The following ZNF644 variants were observed in gnomAD, a reference collection of about 807,000 sequenced individuals.
ZNF644 encodes zinc finger protein 644, also known as zinc finger motif enhancer binding protein 2.
In ZNF644, 20 loss-of-function variants were observed where a neutral mutation model predicts 108.0. The observed-to-expected ratio is 0.19, with a 90% CI of 0.13 to 0.27. The LOEUF (loss-of-function observed/expected upper bound fraction) is 0.27. Ranked by LOEUF, ZNF644 falls within the 10% of genes least tolerant of loss-of-function variation. The probability of loss-of-function intolerance (pLI) is 1.00; values close to 1 mark genes in which losing one functional copy is unlikely to be tolerated. For synonymous variants in ZNF644, 542 were observed against 539.1 expected (o/e 1.01, Z -0.08); for missense variants, 1,338 against 1,548.9 (o/e 0.86, Z 2.29).
At chr1:90,926,591 A>C (rs1022299993) in intron 4 of ZNF644, among the ~76,000 whole-genome samples, 2 of 152,174 alleles carry the variant, frequency 1.3e-5, no homozygotes, top group Admixed American at 1.3e-4. Context: ...TTGCTAGTAA[A>C]TGACAGAGAA....
chr1:90,974,965 A>G (rs1655852051), intron 2 of ZNF644, among the ~76,000 whole-genome samples: 1 of 152,040 alleles, frequency 6.6e-6, no homozygotes, highest in African/African-American at 2.4e-5. Flanking sequence ...AGTTCCAGCA[A>G]TCTTCCCTTT....
chr1:90,923,909 CAGAG>C (rs1649739020), intron 4 of ZNF644, among the ~76,000 whole-genome samples: 1 of 152,008 alleles, frequency 6.6e-6, no homozygotes. Context: ...CCTTATAGTT[CAGAG>C]AAAGAGTTAA....
chr1:90,967,987 G>C (rs1655097654), intron 2 of ZNF644, among the ~76,000 whole-genome samples: 1 of 150,454 alleles, frequency 6.6e-6, no homozygotes. Context: ...CTTGAATCTG[G>C]GAGGCGGAGG....
intron 2 of ZNF644, among the ~76,000 whole-genome samples, chr1:90,944,054 G>A (rs1006170346): frequency 1.3e-5 from 2 of 152,170 alleles, no homozygotes; most frequent in Non-Finnish European, 2.9e-5. Flanking sequence ...TTTCTCAACA[G>A]GAAGCAATGT....
At chr1:90,952,264 C>T (rs1383223284) in intron 2 of ZNF644, among the ~76,000 whole-genome samples, 3 of 152,108 alleles carry the variant, frequency 2.0e-5, no homozygotes, top group African/African-American at 4.8e-5. Flanking sequence ...ATTAAATCTA[C>T]AGTACAAAGA....
At chr1:91,001,671 G>A (rs35816898) in intron 1 of ZNF644, among the ~76,000 whole-genome samples, 24,573 of 152,096 alleles carry the variant, frequency 0.16, 2,223 homozygotes, top group Middle Eastern at 0.28. Flanking sequence ...ACATAGTGTT[G>A]GAAGTTCTGG....
chr1:91,020,328 T>G (rs930931896), intron 1 of ZNF644: 6 of 152,210 alleles, frequency 3.9e-5, no homozygotes, highest in Non-Finnish European at 5.9e-5. Flanking sequence ...TGATCTAATG[T>G]GTTTAAATAT....
intron 1 of ZNF644, among the ~76,000 whole-genome samples, chr1:90,987,833 T>G (rs1657258220): frequency 6.6e-6 from 1 of 152,126 alleles, no homozygotes; most frequent in South Asian, 2.1e-4. Context: ...TTACACATCA[T>G]GACCAAGTGG....
chr1:90,922,011 A>G (rs1387013893), intron 4 of ZNF644, among the ~76,000 whole-genome samples: 2 of 152,192 alleles, frequency 1.3e-5, no homozygotes, highest in African/African-American at 2.4e-5. Context: ...TTAAGAATTT[A>G]CTTTTGACTT....
intron 1 of ZNF644, among the ~76,000 whole-genome samples, chr1:91,000,969 C>T (rs1455857638): frequency 6.6e-6 from 1 of 152,168 alleles, no homozygotes; most frequent in Non-Finnish European, 1.5e-5. Context: ...CATACACCCT[C>T]CCAAGACTAA....
chr1:90,984,273 C>T (rs575094932), intron 1 of ZNF644, among the ~76,000 whole-genome samples: 24 of 152,282 alleles, frequency 1.6e-4, no homozygotes, highest in African/African-American at 5.5e-4. Flanking sequence ...GGAAGCACCC[C>T]TATATAAAAG....
At chr1:90,959,482 T>C (rs1158983097) in intron 2 of ZNF644, among the ~76,000 whole-genome samples, 1 of 152,124 alleles carries the variant, frequency 6.6e-6, no homozygotes, top group Non-Finnish European at 1.5e-5. Flanking sequence ...AAAAGTGAAA[T>C]AGTAAAAATA....
chr1:90,983,519 T>G (rs368580027), intron 1 of ZNF644, among the ~76,000 whole-genome samples: 26 of 146,950 alleles, frequency 1.8e-4, no homozygotes, highest in African/African-American at 6.6e-4. Context: ...TCTTTGTAGA[T>G]ATGATTAAAT....
Position 90,941,089 on chromosome 1 carries a change from C to T in ZNF644, c.265G>A (p.Gly89Arg), listed in dbSNP as rs1651924989. The change falls in exon 3 of 6, where the codon GGA becomes AGA. Residue 89 changes from glycine to arginine, a missense_variant. Gly to Arg is a moderately radical substitution (Grantham distance 125). Coordinates refer to ENST00000337393, the MANE Select transcript of ZNF644 (RefSeq NM_201269.3). ...SKDKSENALS[G>R]GQSSLFIHAG... ...TGTATAAATAGACTAGACTGGCCTC[C>T]ACTTAAGGCGTTTTCAGATTTGTCC... 6.2e-7 allele frequency: 1 copy of T among 1,614,100 alleles called. No individual in the cohort carries two copies. Among genetic ancestry groups the T allele is most frequent in the Non-Finnish European group, 8.5e-7 (1 of 1,179,970 alleles).
intron 2 of ZNF644, among the ~76,000 whole-genome samples, chr1:90,967,229 T>C (rs553071129): frequency 5.3e-5 from 8 of 152,286 alleles, no homozygotes; most frequent in African/African-American, 1.9e-4. Context: ...GTACATGTAG[T>C]TCCCTTGGTC....
At position 90,998,917 on chromosome 1, in the gene ZNF644, C is replaced by A. The variant is rs370436728; in HGVS notation, c.-17-16547G>T. On this transcript the variant is annotated intron_variant, in intron 1 of 5. Transcript: ENST00000337393. ...GTGATGAATGCACAAGCTTCAGTAGCCGATCTGATCAACTGGAAGAAAGGG... is the reference window on the plus strand; with the variant it reads ...GTGATGAATGCACAAGCTTCAGTAGACGATCTGATCAACTGGAAGAAAGGG... 2.0e-3 allele frequency among the ~76,000 whole-genome samples: 306 copies of A among 152,224 alleles called. 2 individuals carry two copies. The highest frequency in any genetic ancestry group is 7.0e-3 in the African/African-American group (292 of 41,536).
chr1:90,940,519 C>T lies in ZNF644; in HGVS notation c.835G>A (p.Ala279Thr). 6.2e-7 allele frequency: 1 copy of T among 1,613,734 alleles called. No homozygotes were observed. Among genetic ancestry groups the T allele is most frequent in the Non-Finnish European group, 8.5e-7 (1 of 1,179,896 alleles). ...AGACCTATTTTAGAATGAGGTGGAG[C>T]TTTATCTACTGTTTCCTCATTAGTC... Reference protein sequence around the residue: ...LMTNEETVDKAPPHSKIGLEK... With the variant: ...LMTNEETVDKTPPHSKIGLEK... Residue 279 changes from alanine to threonine, a missense_variant, in exon 3 of 6, where the codon GCT becomes ACT. Coordinates refer to ENST00000337393, the MANE Select transcript of ZNF644 (RefSeq NM_201269.3).
chr1:90,963,193 T>C (rs993218831), intron 2 of ZNF644, among the ~76,000 whole-genome samples: 4 of 152,078 alleles, frequency 2.6e-5, no homozygotes, highest in African/African-American at 9.7e-5. Flanking sequence ...AATAGTAATT[T>C]TGTTAAGGTG....
chr1:91,013,599 T>C (rs1660173365), intron 1 of ZNF644, among the ~76,000 whole-genome samples: 1 of 152,148 alleles, frequency 6.6e-6, no homozygotes, highest in African/African-American at 2.4e-5. Context: ...CACTTCTTTA[T>C]GGGAATATTC....
Sources: gnomAD v4.1 joint callset for allele counts (sites outside exome capture counted in the v4.1 genomes callset) on GRCh38, gnomAD v4.1.1 for gene constraint, MANE v1.5 for transcripts, NCBI Gene and HGNC (gene_info 2026-07-23, HGNC 2026-07-21) for gene names.